The following FRAS1 variants were observed in gnomAD, a reference collection of about 807,000 sequenced individuals.
FRAS1 encodes the protein extracellular matrix organizing protein FRAS1.
Under a neutral mutation model 435.2 loss-of-function variants are expected in FRAS1, and 290 were observed. That is an observed-to-expected ratio of 0.67 (90% CI 0.61 to 0.73). FRAS1 has a LOEUF of 0.73. Among genes scored for constraint, FRAS1 ranks in the 30% least tolerant of loss-of-function variants. The pLI, the probability that FRAS1 is intolerant of heterozygous loss-of-function variation, is 0.00. For missense variants in FRAS1, 4,860 were observed against 5,001.5 expected (o/e 0.97, Z 0.85); for synonymous variants, 1,800 against 1,851.0 (o/e 0.97, Z 0.71).
chr4:78,391,101 G>C (rs1183367877), intron 29 of FRAS1, among the ~76,000 whole-genome samples: 6 of 152,182 alleles, frequency 3.9e-5, no homozygotes, highest in Non-Finnish European at 7.4e-5. Flanking sequence ...CTGTGTTCCT[G>C]CCTTCCAATT....
chr4:78,290,465 T>C (rs116734117), intron 14 of FRAS1, among the ~76,000 whole-genome samples: 7,530 of 149,936 alleles, frequency 0.05, 359 homozygotes, highest in East Asian at 0.26. Flanking sequence ...TTCTTTCTTT[T>C]TTTTTTTTTG....
At chr4:78,307,508 C>G (rs201755292) in intron 14 of FRAS1, among the ~76,000 whole-genome samples, 1 of 152,232 alleles carries the variant, frequency 6.6e-6, no homozygotes, top group Admixed American at 6.5e-5. Context: ...ATCAGCGAGA[C>G]TCCGTGGGCG....
chr4:78,312,164 G>A (rs1295917183), intron 15 of FRAS1, among the ~76,000 whole-genome samples: 1 of 107,612 alleles, frequency 9.3e-6, no homozygotes, highest in Non-Finnish European at 2.0e-5. Context: ...TTAGGTTGTC[G>A]AGCCATCTGA....
chr4:78,067,064 T>C (rs1354158115), intron 2 of FRAS1, among the ~76,000 whole-genome samples: 10 of 152,246 alleles, frequency 6.6e-5, no homozygotes, highest in Admixed American at 6.5e-4. Flanking sequence ...AAATATATTA[T>C]CACTTTTGGG....
intron 16 of FRAS1, 50 bp from the exon 17 acceptor site, chr4:78,317,318 C>T: frequency 6.2e-7 from 1 of 1,609,416 alleles, no homozygotes; most frequent in Non-Finnish European, 8.5e-7. Context: ...GAAGTGGGCA[C>T]TTTATTCACC....
intron 61 of FRAS1, among the ~76,000 whole-genome samples, chr4:78,500,751 A>G (rs964642850): frequency 1.6e-4 from 25 of 152,064 alleles, no homozygotes; most frequent in Non-Finnish European, 1.0e-4. Flanking sequence ...GCTCCATCCC[A>G]TCTGTGTCTG....
intron 73 of FRAS1, 37 bp from the exon 74 acceptor site, chr4:78,540,494 T>A (rs745724267): frequency 1.5e-6 from 2 of 1,371,938 alleles, no homozygotes; most frequent in Admixed American, 2.4e-5. Flanking sequence ...AGGTGGTCTG[T>A]GGGCAACAAC....
intron 18 of FRAS1, 111 bp from the exon 19 acceptor site, chr4:78,333,161 T>G: frequency 1.6e-6 from 2 of 1,238,850 alleles, no homozygotes; most frequent in Non-Finnish European, 2.2e-6. Context: ...GAAAACCAAG[T>G]GAATGTACAG....
intron 38 of FRAS1, among the ~76,000 whole-genome samples, 180 bp downstream of exon 38, chr4:78,432,784 C>T (rs189403857): frequency 4.5e-4 from 68 of 152,322 alleles, no homozygotes; most frequent in African/African-American, 1.6e-3. Context: ...TCCTGCTTCT[C>T]CCAGTGTCTC....
chr4:78,314,080 C>A (rs1436628972), intron 15 of FRAS1, among the ~76,000 whole-genome samples: 1 of 151,516 alleles, frequency 6.6e-6, no homozygotes, highest in Non-Finnish European at 1.5e-5. Context: ...TTCTTGGTCA[C>A]CTGTACTAGT....
intron 2 of FRAS1, among the ~76,000 whole-genome samples, chr4:78,095,968 A>C (rs561314983): frequency 6.6e-6 from 1 of 152,306 alleles, no homozygotes; most frequent in South Asian, 2.1e-4. Context: ...ACATTAACCC[A>C]AAAGTCCACA....
At chr4:78,398,127 AC>A (rs1732747189) in intron 29 of FRAS1, among the ~76,000 whole-genome samples, 1 of 152,104 alleles carries the variant, frequency 6.6e-6, no homozygotes, top group African/African-American at 2.4e-5. Flanking sequence ...CAAGAATTAT[AC>A]TTCTTTTTCT....
At chr4:78,214,505 A>G (rs760557309) in intron 2 of FRAS1, among the ~76,000 whole-genome samples, 3 of 152,058 alleles carry the variant, frequency 2.0e-5, no homozygotes, top group Non-Finnish European at 4.4e-5. Context: ...CCCATTTTTA[A>G]TTTTTTAGCT....
chr4:78,241,260 T>C (rs1005400166), intron 3 of FRAS1, among the ~76,000 whole-genome samples: 5 of 152,180 alleles, frequency 3.3e-5, no homozygotes, highest in Admixed American at 1.3e-4. Flanking sequence ...CACTTTGTGC[T>C]TGCCCTATTC....
Position 78,299,741 on chromosome 4 carries a change from C to T in FRAS1, c.1535-8325C>T, listed in dbSNP as rs1248045670. 3.9e-5 allele frequency among the ~76,000 whole-genome samples: 6 copies of T among 152,310 alleles called. No individual in the cohort carries two copies. The East Asian group carries it at 5.8e-4, about 15-fold the overall frequency. On this transcript the variant is annotated intron_variant, in intron 14 of 73. Transcript: ENST00000512123. ...TTTCCATGGCATGAAGTCCAAGGTCCGTACTCTGGCCCATCTGAAGTTGGA... is the reference window on the plus strand; with the variant it reads ...TTTCCATGGCATGAAGTCCAAGGTCTGTACTCTGGCCCATCTGAAGTTGGA...
rs1194073051 is a variant in FRAS1, at chr4:78,272,330, T to A, written c.981+4898T>A. Among the ~76,000 whole-genome samples, 3 of 152,362 alleles carry A rather than the reference T, an allele frequency of 2.0e-5. No homozygotes were observed. The East Asian group carries it at 5.8e-4, about 29-fold the overall frequency. On this transcript the variant is annotated intron_variant, in intron 9 of 73. Coordinates refer to ENST00000512123, the MANE Select transcript of FRAS1 (RefSeq NM_025074.7). Reference sequence around the variant, plus strand: ...CTTTAGTTTAATGAGATCCCATTTGTCAATTTTGGCTTTTGTTGCCATTGC... The same window carrying A: ...CTTTAGTTTAATGAGATCCCATTTGACAATTTTGGCTTTTGTTGCCATTGC...
rs1729272193 is a variant in FRAS1, at chr4:78,316,744, TA to T, written c.1820-620del. ...CAGAGTCATTACTGTAATTGTTACTTAAAATCCTAGAATGTCAAAGCTGGAA... is the reference window on the plus strand; with the variant it reads ...CAGAGTCATTACTGTAATTGTTACTTAAATCCTAGAATGTCAAAGCTGGAA... On this transcript the variant is annotated intron_variant, in intron 16 of 73. Coordinates refer to ENST00000512123, the MANE Select transcript of FRAS1 (RefSeq NM_025074.7). Among the ~76,000 whole-genome samples the T allele has an allele frequency of 2.0e-5, 3 of 152,218 alleles. No individual in the cohort carries two copies. The South Asian group carries it at 6.2e-4, about 32-fold the overall frequency.
chr4:78,345,114 G>A (rs1157025323), intron 20 of FRAS1, among the ~76,000 whole-genome samples: 1 of 152,156 alleles, frequency 6.6e-6, no homozygotes, highest in Non-Finnish European at 1.5e-5. Context: ...AGTTTTACTT[G>A]TTGGTCCATG....
intron 38 of FRAS1, among the ~76,000 whole-genome samples, chr4:78,433,980 T>C (rs142282741): frequency 0.011 from 1,609 of 152,348 alleles, 15 homozygotes; most frequent in Non-Finnish European, 0.016. Flanking sequence ...TCTAGCCTGC[T>C]GAAAGCATAG....
Sources: allele counts gnomAD v4.1 joint callset (sites outside exome capture counted in the v4.1 genomes callset), GRCh38; gene constraint gnomAD v4.1.1; transcripts MANE v1.5; gene names NCBI Gene and HGNC (gene_info 2026-07-23, HGNC 2026-07-21).